Variants in SLC24A3 observed in about 807,000 individuals in gnomAD.
The protein encoded by SLC24A3 is solute carrier family 24 member 3, also known as sodium/potassium/calcium exchanger 3.
In SLC24A3, 28 loss-of-function variants were observed where a neutral mutation model predicts 75.8. The observed-to-expected ratio is 0.37, with a 90% CI of 0.27 to 0.51. SLC24A3 has a LOEUF of 0.51. Among genes scored for constraint, SLC24A3 ranks in the 20% least tolerant of loss-of-function variants. SLC24A3 has a pLI of 0.94. For missense variants in SLC24A3, 663 were observed against 847.8 expected, an observed-to-expected ratio of 0.78 and a Z score of 2.71; for synonymous variants, 372 against 334.1, an observed-to-expected ratio of 1.11 and a Z score of -1.24.
intron 1 of SLC24A3, among the ~76,000 whole-genome samples, chr20:19,254,898 G>A (rs1982766733): frequency 6.6e-6 from 1 of 152,228 alleles, no homozygotes; most frequent in Non-Finnish European, 1.5e-5. Flanking sequence ...CCTTGAGAAA[G>A]TTACGTAAAC....
chr20:19,255,150 G>A (rs1266937648), intron 1 of SLC24A3, among the ~76,000 whole-genome samples: 3 of 152,172 alleles, frequency 2.0e-5, no homozygotes, highest in African/African-American at 2.4e-5. Context: ...CTACCCAGGC[G>A]TGTTTGTACC....
At chr20:19,449,133 A>G (rs534019388) in intron 2 of SLC24A3, among the ~76,000 whole-genome samples, 5 of 152,320 alleles carry the variant, frequency 3.3e-5, no homozygotes, top group African/African-American at 9.6e-5. Flanking sequence ...CAGGGACTCC[A>G]TGGCGGTAGA....
chr20:19,531,071 G>T (rs6106098), intron 3 of SLC24A3, among the ~76,000 whole-genome samples: 1 of 151,824 alleles, frequency 6.6e-6, no homozygotes, highest in Non-Finnish European at 1.5e-5. Context: ...CAGCCTATCC[G>T]TGTGCTGTAG....
Position 19,548,296 on chromosome 20 carries a change from G to A in SLC24A3, c.349-31704G>A, listed in dbSNP as rs539912987. On this transcript the variant is annotated intron_variant, in intron 3 of 16. Transcript: ENST00000328041. ...ACTTGGCCTCCAATGTAAGTTTTTC[G>A]TTTTCCCATATGCTAACACTGTAAA... is the stretch of plus-strand genomic sequence containing the variant. 2.3e-4 allele frequency among the ~76,000 whole-genome samples: 35 copies of A among 152,130 alleles called. No homozygotes were observed. In the East Asian group the frequency reaches 2.7e-3, roughly 12 times the overall value.
intron 16 of SLC24A3, 111 bp downstream of exon 16, chr20:19,717,704 C>T: frequency 1.8e-6 from 2 of 1,129,088 alleles, no homozygotes; most frequent in Non-Finnish European, 2.6e-6. Context: ...CAAGCAACCT[C>T]CTTGTCCCAT....
intron 2 of SLC24A3, among the ~76,000 whole-genome samples, chr20:19,345,624 T>C (rs891038306): frequency 2.0e-5 from 3 of 152,050 alleles, no homozygotes; most frequent in Non-Finnish European, 4.4e-5. Flanking sequence ...AAAAGTGGGC[T>C]AAGGACATAA....
intron 3 of SLC24A3, among the ~76,000 whole-genome samples, chr20:19,526,900 G>T (rs2030208123): frequency 6.6e-6 from 1 of 152,210 alleles, no homozygotes; most frequent in South Asian, 2.1e-4. Flanking sequence ...AGGGCATTTA[G>T]TAAGGACTTA....
intron 2 of SLC24A3, among the ~76,000 whole-genome samples, chr20:19,493,860 A>C (rs1224610857): frequency 4.6e-5 from 7 of 152,200 alleles, no homozygotes; most frequent in Non-Finnish European, 8.8e-5. Flanking sequence ...GTCGTGCTGC[A>C]GATGGTCCAC....
At chr20:19,603,774 C>T (rs2031560270) in intron 6 of SLC24A3, among the ~76,000 whole-genome samples, 1 of 151,612 alleles carries the variant, frequency 6.6e-6, no homozygotes, top group African/African-American at 2.4e-5. Flanking sequence ...TGCACATATT[C>T]AAAGAAAAAA....
chr20:19,489,763 T>C (rs1260978864), intron 2 of SLC24A3, among the ~76,000 whole-genome samples: 2 of 134,616 alleles, frequency 1.5e-5, no homozygotes, highest in Non-Finnish European at 1.6e-5. Context: ...AAATTATATA[T>C]GTTCAGAAAA....
intron 1 of SLC24A3, among the ~76,000 whole-genome samples, chr20:19,269,208 AC>A (rs1983253136): frequency 6.6e-6 from 1 of 152,268 alleles, no homozygotes. Context: ...ACCATGTTGG[AC>A]AGTGCAAATA....
chr20:19,535,634 T>C (rs1402812857), intron 3 of SLC24A3, among the ~76,000 whole-genome samples: 1 of 152,186 alleles, frequency 6.6e-6, no homozygotes, highest in Non-Finnish European at 1.5e-5. Context: ...GGCTTCCACA[T>C]TTTTTATAAG....
intron 2 of SLC24A3, among the ~76,000 whole-genome samples, chr20:19,491,732 AG>A (rs903716276): frequency 6.6e-6 from 1 of 152,206 alleles, no homozygotes; most frequent in African/African-American, 2.4e-5. Context: ...ATGCTGGGAA[AG>A]GAGTGGGAGA....
At chr20:19,484,586 C>A (rs931719466) in intron 2 of SLC24A3, among the ~76,000 whole-genome samples, 1 of 152,124 alleles carries the variant, frequency 6.6e-6, no homozygotes, top group African/African-American at 2.4e-5. Flanking sequence ...ATAAACCGGT[C>A]ACAAAAAGGC....
chr20:19,251,265 C>T (rs1982646306), intron 1 of SLC24A3, among the ~76,000 whole-genome samples: 1 of 152,200 alleles, frequency 6.6e-6, no homozygotes, highest in Non-Finnish European at 1.5e-5. Context: ...AGGTGCCCCT[C>T]CCTCATACTG....
chr20:19,213,695 G>A (rs55765434), intron 1 of SLC24A3, among the ~76,000 whole-genome samples: 30,553 of 152,190 alleles, frequency 0.2, 3,245 homozygotes, highest in Non-Finnish European at 0.24. Context: ...GGTGCTCTGC[G>A]CAAAGTCTGC....
intron 2 of SLC24A3, among the ~76,000 whole-genome samples, chr20:19,432,189 AC>A (rs1279782864): frequency 6.6e-6 from 1 of 151,462 alleles, no homozygotes; most frequent in East Asian, 1.9e-4. Flanking sequence ...GCAAAAGCCA[AC>A]CCCCAATGCG....
rs371177402 is a variant in SLC24A3 at position 19,259,295 on chromosome 20, G to A, written c.143-21664G>A. 5.6e-4 allele frequency among the ~76,000 whole-genome samples: 85 copies of A among 152,338 alleles called. No individual in the cohort carries two copies. The South Asian group carries it at 9.3e-3, about 17-fold the overall frequency. On this transcript the variant is annotated intron_variant, in intron 1 of 16. Transcript: ENST00000328041. ...ACCGTACAGATGTCTCAGGAGCAAA[G>A]GACCCAGCATGCAGGAGCTTTCCTT...
intron 2 of SLC24A3, among the ~76,000 whole-genome samples, chr20:19,296,892 G>C (rs73284613): frequency 0.02 from 3,062 of 152,216 alleles, 41 homozygotes; most frequent in African/African-American, 0.031. Context: ...ACATAACAAA[G>C]AGTCTCTCAG....
Sources: allele counts gnomAD v4.1 joint callset (sites outside exome capture counted in the v4.1 genomes callset), GRCh38; gene constraint gnomAD v4.1.1; transcripts MANE v1.5; gene names NCBI Gene and HGNC (gene_info 2026-07-23, HGNC 2026-07-21).